The following ACSS3 variants were observed in gnomAD, a reference collection of about 807,000 sequenced individuals.
ACSS3 encodes the protein acyl-CoA synthetase short-chain family member 3, mitochondrial.
In ACSS3, 64 loss-of-function variants were observed where a neutral mutation model predicts 84.2. That is an observed-to-expected ratio of 0.76 (90% CI 0.62 to 0.94). The LOEUF is 0.94. ACSS3 is among the 40% of genes least tolerant of loss of function. The pLI, the probability that ACSS3 is intolerant of heterozygous loss-of-function variation, is 0.00. For synonymous variants in ACSS3, 317 were observed against 310.1 expected (o/e 1.02, Z -0.23); for missense variants, 815 against 867.6 (o/e 0.94, Z 0.76).
rs1593248724 is a variant in ACSS3, at chr12:81,254,984, A to C, written c.*62A>C. On this transcript the variant is annotated 3_prime_UTR_variant, in exon 16 of 16. Coordinates refer to ENST00000548058, the MANE Select transcript of ACSS3 (RefSeq NM_024560.4). ...TTCTTAATTGAAATTAAATTATTTG[A>C]GTTGTTTCTCAGAAATAAATATTTC... The C allele has an allele frequency of 7.4e-7, 1 of 1,350,356 alleles. No individual in the cohort carries two copies. The highest frequency in any genetic ancestry group is 2.5e-5 in the East Asian group (1 of 40,614). The allele number at this position is 1,350,356 out of a possible 1,614,324, so 83.6% of individuals were successfully genotyped here. A position where few individuals can be genotyped will look rare whatever the true frequency, so the allele number is the denominator to read the frequency against.
At chr12:81,252,979 A>C (rs984039298) in intron 13 of ACSS3, among the ~76,000 whole-genome samples, 1 of 152,206 alleles carries the variant, frequency 6.6e-6, no homozygotes, top group African/African-American at 2.4e-5. Context: ...TACAGTATCC[A>C]CTACACATTT....
chr12:81,192,519 A>G (rs1329396678), intron 8 of ACSS3, among the ~76,000 whole-genome samples: 1 of 152,024 alleles, frequency 6.6e-6, no homozygotes, highest in Admixed American at 6.6e-5. Context: ...ACTTCTATTC[A>G]TTAGGAATGG....
intron 2 of ACSS3, among the ~76,000 whole-genome samples, chr12:81,126,220 A>G (rs141568954): frequency 7.4e-4 from 113 of 152,372 alleles, no homozygotes; most frequent in African/African-American, 2.6e-3. Flanking sequence ...TGTGATGATT[A>G]GAGATATTGG....
chr12:81,198,154 G>A (rs931009260), intron 8 of ACSS3, among the ~76,000 whole-genome samples: 2 of 152,004 alleles, frequency 1.3e-5, no homozygotes, highest in Admixed American at 1.3e-4. Flanking sequence ...AAGTCAAACT[G>A]GTGTTAATTT....
chr12:81,121,025 TG>T (rs1232358899), intron 2 of ACSS3, among the ~76,000 whole-genome samples: 1 of 152,220 alleles, frequency 6.6e-6, no homozygotes, highest in East Asian at 1.9e-4. Flanking sequence ...TCTTTAAATG[TG>T]TACAGCTCCT....
chr12:81,179,972 T>C (rs1209749005), intron 8 of ACSS3, among the ~76,000 whole-genome samples: 2 of 152,072 alleles, frequency 1.3e-5, no homozygotes, highest in East Asian at 1.9e-4. Context: ...GGCAAAGACA[T>C]GTGATCAAGC....
chr12:81,078,754 G>A (rs1358276662), intron 1 of ACSS3, among the ~76,000 whole-genome samples: 1 of 152,138 alleles, frequency 6.6e-6, no homozygotes, highest in East Asian at 1.9e-4. Flanking sequence ...AGTCTAGTAA[G>A]GGAGATACTA....
chr12:81,177,200 A>G (rs1172767239), intron 8 of ACSS3, among the ~76,000 whole-genome samples: 1 of 152,228 alleles, frequency 6.6e-6, no homozygotes, highest in Non-Finnish European at 1.5e-5. Context: ...TCTACAGCCA[A>G]CAATATACTG....
At chr12:81,207,361 C>T (rs1046365454) in intron 9 of ACSS3, among the ~76,000 whole-genome samples, 1 of 152,126 alleles carries the variant, frequency 6.6e-6, no homozygotes, top group African/African-American at 2.4e-5. Flanking sequence ...GGTGGCTATT[C>T]TCCTTGGAGA....
chr12:81,221,537 A>G (rs1565728982), intron 11 of ACSS3, among the ~76,000 whole-genome samples: 1 of 152,142 alleles, frequency 6.6e-6, no homozygotes, highest in Non-Finnish European at 1.5e-5. Context: ...ACAAGTTATG[A>G]TGTAATTCTT....
chr12:81,092,316 C>T (rs1048093914), intron 1 of ACSS3, among the ~76,000 whole-genome samples: 4 of 151,870 alleles, frequency 2.6e-5, no homozygotes, highest in Admixed American at 6.6e-5. Flanking sequence ...ACACATCAAG[C>T]GAGGAAAAAG....
chr12:81,104,436 TG>T (rs768225493), intron 1 of ACSS3, among the ~76,000 whole-genome samples: 1 of 152,160 alleles, frequency 6.6e-6, no homozygotes, highest in Non-Finnish European at 1.5e-5. Flanking sequence ...AGTAAAGACC[TG>T]CTGGAGAGTC....
chr12:81,126,628 T>C (rs144819322), intron 2 of ACSS3, among the ~76,000 whole-genome samples: 425 of 152,256 alleles, frequency 2.8e-3, no homozygotes, highest in Non-Finnish European at 4.8e-3. Context: ...CACATATACA[T>C]AGGGAAATAC....
chr12:81,094,180 C>CTGTGTGTG (rs371392868), intron 1 of ACSS3, among the ~76,000 whole-genome samples: 3,014 of 132,904 alleles, frequency 0.023, 108 homozygotes, highest in African/African-American at 0.07. Context: ...CTCTGTCTCT[C>CTGTGTGTG]TCTCTGTGTG....
chr12:81,094,182 C>CTGTGTGTG (rs1461559245), intron 1 of ACSS3, among the ~76,000 whole-genome samples: 3 of 124,608 alleles, frequency 2.4e-5, no homozygotes, highest in African/African-American at 7.6e-5. Context: ...CTGTCTCTCT[C>CTGTGTGTG]TCTGTGTGTG....
At chr12:81,199,809 C>A in intron 9 of ACSS3, 1 of 590,390 alleles carries the variant, frequency 1.7e-6, no homozygotes, top group Non-Finnish European at 2.7e-6. Flanking sequence ...GCTGCATTAT[C>A]CTCTGTCCTG....
chr12:81,079,260 T>C (rs927019947), intron 1 of ACSS3, among the ~76,000 whole-genome samples: 3 of 152,166 alleles, frequency 2.0e-5, no homozygotes, highest in African/African-American at 7.2e-5. Flanking sequence ...GTAGAATAAA[T>C]ATCAAGCTTG....
chr12:81,205,994 GAAAGC>G (rs2032330569), intron 9 of ACSS3, among the ~76,000 whole-genome samples: 1 of 152,026 alleles, frequency 6.6e-6, no homozygotes, highest in African/African-American at 2.4e-5. Context: ...TGACAATGAA[GAAAGC>G]ACATTCTTGG....
At chr12:81,220,483 T>A (rs188582465) in intron 11 of ACSS3, among the ~76,000 whole-genome samples, 3 of 152,114 alleles carry the variant, frequency 2.0e-5, no homozygotes, top group African/African-American at 7.2e-5. Flanking sequence ...ACATTACAAG[T>A]TCGTTTCATG....
Sources: allele counts gnomAD v4.1 joint callset (sites outside exome capture counted in the v4.1 genomes callset), GRCh38; gene constraint gnomAD v4.1.1; transcripts MANE v1.5; gene names NCBI Gene and HGNC (gene_info 2026-07-23, HGNC 2026-07-21).